LHX9: variants seen among roughly 807,000 people sequenced by gnomAD.
The protein encoded by LHX9 is LIM/homeobox protein Lhx9.
LHX9 carries 9 observed loss-of-function variants against 36.5 expected under a neutral mutation model. The ratio of observed to expected loss-of-function variants is 0.25; its 90% confidence interval spans 0.15 to 0.43. The LOEUF (loss-of-function observed/expected upper bound fraction) is 0.43, where lower values mean the gene tolerates loss of function less well. Among genes scored for constraint, LHX9 ranks in the 20% least tolerant of loss-of-function variants. The pLI is 1.00. For synonymous variants in LHX9, 211 were observed against 212.1 expected, an observed-to-expected ratio of 0.99 and a Z score of 0.04; for missense variants, 464 against 526.4, an observed-to-expected ratio of 0.88 and a Z score of 1.16.
At chr1:197,914,735 C>T (rs1391250546), upstream of LHX9, among the ~76,000 whole-genome samples, 3 of 152,172 alleles carry the variant, frequency 2.0e-5, no homozygotes, top group Non-Finnish European at 4.4e-5. Context: ...CCACCCCACC[C>T]CCAGCTTTCT....
Position 197,917,665 on chromosome 1 carries a change from GC to G in LHX9, c.-153del. 4.5e-6 allele frequency: 7 copies of G among 1,538,522 alleles called. No homozygotes were observed. Among genetic ancestry groups the G allele is most frequent in the East Asian group, 2.4e-5 (1 of 42,236 alleles). On this transcript the variant is annotated 5_prime_UTR_variant, in exon 1 of 5. Coordinates refer to ENST00000367387, the MANE Select transcript of LHX9 (RefSeq NM_020204.3). ...TCCCAGTTCTTTTTGCTTCCCCTCG[GC>G]CCCCCAAGCAGACCGATTTCCACTC...
intron 3 of LHX9, among the ~76,000 whole-genome samples, chr1:197,923,161 G>A (rs965076573): frequency 3.9e-5 from 6 of 152,222 alleles, no homozygotes; most frequent in African/African-American, 1.2e-4. Context: ...AACACTGTGC[G>A]GCAGCACTTG....
Position 197,923,998 on chromosome 1 carries a change from C to T in LHX9, c.733+2339C>T, listed in dbSNP as rs13374700. ...CCTTTCTGGACTTTTCCCAGAGATA[C>T]TATTCAATAGTATATATATTTTAAA... On this transcript the variant is annotated intron_variant, in intron 3 of 4. Coordinates refer to ENST00000367387, the MANE Select transcript of LHX9 (RefSeq NM_020204.3). 6.2e-3 allele frequency among the ~76,000 whole-genome samples: 950 copies of T among 152,166 alleles called. 13 individuals carry two copies. Among genetic ancestry groups the T allele is most frequent in the African/African-American group, 0.021 (878 of 41,508 alleles).
intron 3 of LHX9, among the ~76,000 whole-genome samples, chr1:197,922,892 G>A (rs927340773): frequency 3.9e-5 from 6 of 152,278 alleles, no homozygotes; most frequent in African/African-American, 1.4e-4. Flanking sequence ...GCCTGACATT[G>A]CTAGTCAATG....
At chr1:197,914,549 T>C (rs889233390), upstream of LHX9, among the ~76,000 whole-genome samples, 5 of 152,176 alleles carry the variant, frequency 3.3e-5, no homozygotes, top group Non-Finnish European at 7.4e-5. Context: ...GCAATCTTTC[T>C]TGGGGGCTCC....
At chr1:197,913,164 G>A (rs1219828340), upstream of LHX9, 1 of 153,210 alleles carries the variant, frequency 6.5e-6, no homozygotes, top group African/African-American at 2.4e-5. Context: ...TCTAGACTTG[G>A]CGCAGGCCCC....
chr1:197,915,206 T>C (rs1659711426), upstream of LHX9, among the ~76,000 whole-genome samples: 1 of 152,254 alleles, frequency 6.6e-6, no homozygotes, highest in Non-Finnish European at 1.5e-5. Flanking sequence ...GCACAGAAAC[T>C]AGACAAAGTA....
intron 1 of LHX9, chr1:197,918,616 G>A (rs1005890729): frequency 2.6e-5 from 14 of 538,332 alleles, no homozygotes; most frequent in Middle Eastern, 4.8e-4. Context: ...TGTGTAGGGG[G>A]AAATCAAATA....
chr1:197,919,846 T>A, intron 1 of LHX9, 126 bp from the exon 2 acceptor site: 1 of 843,228 alleles, frequency 1.2e-6, no homozygotes, highest in Admixed American at 2.4e-5. Flanking sequence ...TTTGCCTTTG[T>A]GCAGTGGACC....
At chr1:197,912,588 G>A (rs758367699), upstream of LHX9, 39 of 1,612,632 alleles carry the variant, frequency 2.4e-5, no homozygotes, top group Non-Finnish European at 3.3e-5. Context: ...TCCTTCTGAT[G>A]TTCTCTGCCC....
At position 197,917,803 on chromosome 1, in the gene LHX9, G is replaced by GA; in HGVS notation, c.-18dup. ...CTTGCCTCCTTCACTCGGATGAGCT[G>GA]AAAGCCCCGGGCGTGTGTATATGGA... On this transcript the variant is annotated 5_prime_UTR_variant, in exon 1 of 5. Transcript: ENST00000367387. The GA allele has an allele frequency of 6.2e-7, 1 of 1,614,104 alleles. No individual in the cohort carries two copies. The highest frequency in any genetic ancestry group is 8.5e-7 in the Non-Finnish European group (1 of 1,179,968).
rs978505518 is a variant in LHX9 at position 197,930,079 on chromosome 1, T to C, written c.*820T>C. The stretch of plus-strand genomic sequence containing the variant: ...GAAACCATTCTTTCTAGTTACTTTT[T>C]TTCCCAGGGAAAATGGAAATAAGCA... On this transcript the variant is annotated 3_prime_UTR_variant, in exon 5 of 5. Coordinates refer to ENST00000367387, the MANE Select transcript of LHX9 (RefSeq NM_020204.3). 3.1e-6 allele frequency: 3 copies of C among 974,874 alleles called. No homozygotes were observed. In the African/African-American group the frequency reaches 5.3e-5, roughly 17 times the overall value. The allele number at this position is 974,874 out of a possible 1,614,324, so 60.4% of individuals were successfully genotyped here.
In LHX9 at chr1:197,929,178, T is replaced by G; in HGVS notation, c.1113T>G (p.Thr371=). The change falls in exon 5 of 5, where the codon ACT becomes ACG. Residue 371 remains threonine (T), a synonymous_variant. Coordinates refer to ENST00000367387, the MANE Select transcript of LHX9 (RefSeq NM_020204.3). ...CAGACCTGACCAATCCCACTATCAC[T>G]GTAGTGACATCCGTGACCTCTAACA... is the stretch of plus-strand genomic sequence containing the variant. ...TLTDLTNPTI[T]VVTSVTSNMD... 3 of 1,608,882 alleles carry G rather than the reference T, an allele frequency of 1.9e-6. No individual in the cohort carries two copies. The highest frequency in any genetic ancestry group is 1.1e-5 in the South Asian group (1 of 90,460).
chr1:197,926,922 T>A (rs900938613), intron 3 of LHX9, among the ~76,000 whole-genome samples: 1 of 152,238 alleles, frequency 6.6e-6, no homozygotes, highest in Admixed American at 6.5e-5. Context: ...ACAAATAATA[T>A]TCTTATGTTT....
chr1:197,918,639 G>A (rs1371649967), intron 1 of LHX9: 5 of 502,432 alleles, frequency 1.0e-5, no homozygotes, highest in South Asian at 6.4e-5. Flanking sequence ...ACATACGGAG[G>A]AGCGCGGCAC....
chr1:197,925,120 A>T lies in LHX9; in HGVS notation c.734-2471A>T, dbSNP rs1235979002. Among the ~76,000 whole-genome samples the T allele has an allele frequency of 4.2e-5, 6 of 143,160 alleles. 2 individuals carry two copies. The highest frequency in any genetic ancestry group is 6.0e-5 in the Non-Finnish European group (4 of 66,144). 93.9% of individuals were successfully genotyped at this position (143,160 alleles called of 152,430 possible). The stretch of plus-strand genomic sequence containing the variant: ...AGTAATATCTGTTTAATAAAGACCC[A>T]ACGAGCTATCTCCTTACATATTGGA... On this transcript the variant is annotated intron_variant, in intron 3 of 4. Coordinates refer to ENST00000367387, the MANE Select transcript of LHX9 (RefSeq NM_020204.3).
Position 197,930,990 on chromosome 1 carries a change from C to G in LHX9, c.*1731C>G, listed in dbSNP as rs1398828647. Reference sequence around the variant, plus strand: ...CACTTTTACAGGTAAAATATTGACACTTATAAATTTTGTTCTTTGACAGAA... The same window carrying G: ...CACTTTTACAGGTAAAATATTGACAGTTATAAATTTTGTTCTTTGACAGAA... On this transcript the variant is annotated 3_prime_UTR_variant, in exon 5 of 5. Transcript: ENST00000367387. The G allele has an allele frequency of 6.6e-6, 1 of 151,904 alleles. No individual in the cohort carries two copies. The allele number at this position is 151,904 out of a possible 1,614,324, so 9.4% of individuals were successfully genotyped here.
chr1:197,913,430 G>A (rs1471691965), upstream of LHX9, among the ~76,000 whole-genome samples: 1 of 152,172 alleles, frequency 6.6e-6, no homozygotes, highest in Non-Finnish European at 1.5e-5. Context: ...TTGTCTTGAG[G>A]GAGGATCCCC....
chr1:197,922,420 C>G (rs1436063508), intron 3 of LHX9, among the ~76,000 whole-genome samples: 1 of 152,168 alleles, frequency 6.6e-6, no homozygotes, highest in Non-Finnish European at 1.5e-5. Flanking sequence ...ATGCAGACAA[C>G]AAGTCAAGAA....
Sources: gnomAD v4.1 joint callset for allele counts (sites outside exome capture counted in the v4.1 genomes callset) on GRCh38, gnomAD v4.1.1 for gene constraint, MANE v1.5 for transcripts, NCBI Gene and HGNC (gene_info 2026-07-23, HGNC 2026-07-21) for gene names.